NBEA: variants seen among roughly 807,000 people sequenced by gnomAD.
NBEA encodes neurobeachin, also known as lysosomal-trafficking regulator 2.
In NBEA, 44 loss-of-function variants were observed where a neutral mutation model predicts 343.4. That is an observed-to-expected ratio of 0.13 (90% CI 0.10 to 0.16). The LOEUF is 0.16. NBEA is among the 10% of genes least tolerant of loss of function. NBEA has a pLI of 1.00. For missense variants in NBEA, 2,555 were observed against 3,631.3 expected (o/e 0.70, Z 7.62); for synonymous variants, 1,175 against 1,238.7 (o/e 0.95, Z 1.08).
intron 38 of NBEA, among the ~76,000 whole-genome samples, chr13:35,417,001 T>C (rs188757252): frequency 1.3e-5 from 2 of 152,314 alleles, no homozygotes; most frequent in East Asian, 3.9e-4. Flanking sequence ...CCGTTTCTTC[T>C]AGATTTTCTA....
intron 33 of NBEA, among the ~76,000 whole-genome samples, chr13:35,222,564 T>C (rs1740028720): frequency 6.6e-6 from 1 of 152,140 alleles, no homozygotes; most frequent in Non-Finnish European, 1.5e-5. Context: ...GGAGTATTTT[T>C]TTTATTATTT....
At chr13:35,661,180 A>C (rs929868000) in intron 55 of NBEA, among the ~76,000 whole-genome samples, 3 of 152,136 alleles carry the variant, frequency 2.0e-5, no homozygotes, top group African/African-American at 7.2e-5. Flanking sequence ...ATGTGTTCTG[A>C]TCAGAGAGCT....
intron 48 of NBEA, among the ~76,000 whole-genome samples, chr13:35,619,569 T>A (rs2082887519): frequency 6.6e-6 from 1 of 152,166 alleles, no homozygotes; most frequent in Non-Finnish European, 1.5e-5. Context: ...TTGATTCCCA[T>A]TATGGCCTGA....
At chr13:35,165,335 T>TA (rs2069922707) in intron 24 of NBEA, among the ~76,000 whole-genome samples, 1 of 152,192 alleles carries the variant, frequency 6.6e-6, no homozygotes, top group Non-Finnish European at 1.5e-5. Flanking sequence ...AGCCATAGGC[T>TA]ATATCCTCAC....
chr13:35,306,009 T>G (rs2036869814), intron 35 of NBEA, among the ~76,000 whole-genome samples: 1 of 152,168 alleles, frequency 6.6e-6, no homozygotes, highest in Non-Finnish European at 1.5e-5. Flanking sequence ...TAAAGTTACT[T>G]TAAATTCGTA....
intron 34 of NBEA, among the ~76,000 whole-genome samples, chr13:35,245,048 T>C (rs2030967519): frequency 6.6e-6 from 1 of 152,102 alleles, no homozygotes; most frequent in East Asian, 1.9e-4. Flanking sequence ...ACAGCGACAG[T>C]TTGACTTTAC....
chr13:35,374,968 A>G (rs376121174), intron 38 of NBEA, among the ~76,000 whole-genome samples: 3 of 152,290 alleles, frequency 2.0e-5, no homozygotes, highest in East Asian at 1.9e-4. Context: ...GTGTCAGAGC[A>G]TTGTTCATTT....
rs549299798 is a variant in NBEA, at chr13:34,952,353, A to G, written c.294+9239A>G. On this transcript the variant is annotated intron_variant, in intron 1 of 58. Coordinates refer to ENST00000379939, the MANE Select transcript of NBEA (RefSeq NM_001385012.1). ...GCAGGTCAATTGAATGGATTTGTACACTAAAGTGACTTAGCAAGAACTGTA... is the reference window on the plus strand; with the variant it reads ...GCAGGTCAATTGAATGGATTTGTACGCTAAAGTGACTTAGCAAGAACTGTA... Among the ~76,000 whole-genome samples, 7 of 152,324 alleles carry G rather than the reference A, an allele frequency of 4.6e-5. No individual in the cohort carries two copies. In the East Asian group the frequency reaches 1.3e-3, roughly 29 times the overall value.
chr13:35,537,472 A>G (rs1334404610), intron 41 of NBEA, among the ~76,000 whole-genome samples: 2 of 152,162 alleles, frequency 1.3e-5, no homozygotes, highest in African/African-American at 4.8e-5. Context: ...GAAGAAAAAA[A>G]ATGGTCAAAA....
At chr13:35,330,170 TTC>T (rs2038839006) in intron 36 of NBEA, among the ~76,000 whole-genome samples, 1 of 152,066 alleles carries the variant, frequency 6.6e-6, no homozygotes, top group Admixed American at 6.6e-5. Context: ...TCAGTTTTTT[TTC>T]TTTGTGTATA....
chr13:35,670,946 T>A lies in NBEA; in HGVS notation c.8859T>A (p.Asn2953Lys). The A allele has an allele frequency of 1.2e-5, 19 of 1,594,252 alleles. No individual in the cohort carries two copies. Among genetic ancestry groups the A allele is most frequent in the Non-Finnish European group, 1.6e-5 (19 of 1,169,448 alleles). Reference protein sequence around the residue: ...GMASGSIVAFNIDFNRWHYEH... With the variant: ...GMASGSIVAFKIDFNRWHYEH... ...CTTCTGGTAGCATTGTAGCTTTTAATATAGATTTTAATCGGTGGCATTATG... is the reference window on the plus strand; with the variant it reads ...CTTCTGGTAGCATTGTAGCTTTTAAAATAGATTTTAATCGGTGGCATTATG... Residue 2953 changes from asparagine (N) to lysine (K), a missense_variant, in exon 59 of 59, where the codon AAT (asparagine) becomes AAA (lysine). By Grantham distance (94) the Asn-to-Lys change is moderately conservative (BLOSUM62 0). Around this residue, in one of 21 missense-constraint regions of NBEA, gnomAD observed 186 missense variants for 328.9 expected, o/e 0.57. Coordinates refer to ENST00000379939, the MANE Select transcript of NBEA (RefSeq NM_001385012.1).
chr13:35,263,593 G>C (rs1348659372), intron 34 of NBEA, among the ~76,000 whole-genome samples: 7 of 151,672 alleles, frequency 4.6e-5, no homozygotes. Flanking sequence ...TGACCATAAA[G>C]GAATAAAAGT....
intron 38 of NBEA, among the ~76,000 whole-genome samples, chr13:35,355,840 T>C (rs1007770718): frequency 1.3e-5 from 2 of 152,068 alleles, no homozygotes; most frequent in African/African-American, 2.4e-5. Context: ...AAAATCATTC[T>C]CTAGCCACTC....
chr13:35,482,112 G>C (rs2076141725), intron 41 of NBEA, among the ~76,000 whole-genome samples: 1 of 151,438 alleles, frequency 6.6e-6, no homozygotes, highest in South Asian at 2.1e-4. Context: ...TTAATTTATA[G>C]TTTTGGAGCT....
chr13:35,646,878 T>G (rs962135705), intron 51 of NBEA, among the ~76,000 whole-genome samples: 2 of 152,210 alleles, frequency 1.3e-5, no homozygotes, highest in African/African-American at 4.8e-5. Context: ...AGTAAATGAC[T>G]TGGGCAAGGT....
chr13:35,468,132 G>GCCC (rs1566176841), intron 40 of NBEA, among the ~76,000 whole-genome samples: 25 of 103,006 alleles, frequency 2.4e-4, no homozygotes, highest in East Asian at 3.1e-4. Flanking sequence ...CCCCTCCCCT[G>GCCC]AAAATGATTA....
chr13:35,522,424 C>A (rs1467342011), intron 41 of NBEA, among the ~76,000 whole-genome samples: 1 of 133,898 alleles, frequency 7.5e-6, no homozygotes, highest in African/African-American at 2.8e-5. Flanking sequence ...GCCAAGATCA[C>A]ACCACTGCAC....
intron 1 of NBEA, among the ~76,000 whole-genome samples, chr13:34,992,238 G>GTGTATATA (rs775136249): frequency 1.6e-4 from 19 of 122,130 alleles, no homozygotes; most frequent in East Asian, 9.4e-4. Context: ...GTGTGTGTGT[G>GTGTATATA]TATATATATA....
intron 47 of NBEA, 107 bp downstream of exon 47, chr13:35,593,554 T>C: frequency 1.3e-6 from 1 of 743,222 alleles, no homozygotes; most frequent in Non-Finnish European, 2.0e-6. Flanking sequence ...CTTTGTTCCA[T>C]CATATTAAAA....
Sources: allele counts gnomAD v4.1 joint callset (sites outside exome capture counted in the v4.1 genomes callset), GRCh38; gene constraint gnomAD v4.1.1; regional missense constraint gnomAD v4.1.1; transcripts MANE v1.5; gene names NCBI Gene and HGNC (gene_info 2026-07-23, HGNC 2026-07-21).